The following ATP8B3 variants were observed in gnomAD, a reference collection of about 807,000 sequenced individuals.
ATP8B3 encodes phospholipid-transporting ATPase IK.
In ATP8B3, 141 loss-of-function variants were observed where a neutral mutation model predicts 140.9. The ratio of observed to expected loss-of-function variants is 1.00; its 90% CI spans 0.87 to 1.15. The LOEUF (loss-of-function observed/expected upper bound fraction) is 1.15. ATP8B3 is among the 50% of genes most tolerant of loss of function. ATP8B3 has a pLI of 0.00. For synonymous variants in ATP8B3, 765 were observed against 714.6 expected (o/e 1.07, Z -1.13); for missense variants, 1,874 against 1,740.6 (o/e 1.08, Z -1.36).
chr19:1,793,651 G>T (rs549793070), intron 18 of ATP8B3, among the ~76,000 whole-genome samples: 1 of 152,360 alleles, frequency 6.6e-6, no homozygotes, highest in South Asian at 2.1e-4. Context: ...CCCCAAGGAA[G>T]GTGCCCTTAC....
rs759630168 is a variant in ATP8B3 at position 1,805,859 on chromosome 19, G to C, written c.821+29C>G. On this transcript the variant is annotated intron_variant, in intron 9 of 28. Coordinates refer to ENST00000310127, the MANE Select transcript of ATP8B3 (RefSeq NM_138813.4). The surrounding 1 kb of genome is among the most constrained non-coding windows in gnomAD (Gnocchi z 5.2). ...TCCGGGCCATGCTCCCCACCCCCCA[G>C]GGTCCCCAGCGATGCCACAGCTCCT... is the stretch of plus-strand genomic sequence containing the variant. 2.5e-6 allele frequency: 4 copies of C among 1,611,896 alleles called. No individual in the cohort carries two copies. The Admixed American group carries it at 6.7e-5, about 27-fold the overall frequency.
intron 11 of ATP8B3, 67 bp downstream of exon 11, chr19:1,802,420 T>TCCC: frequency 2.6e-5 from 5 of 195,012 alleles, no homozygotes; most frequent in Non-Finnish European, 2.9e-5. Context: ...CACCCACCCA[T>TCCC]CCCCACATCC....
chr19:1,791,973 T>G (rs1445804392), intron 19 of ATP8B3, 28 bp downstream of exon 19: 1 of 769,114 alleles, frequency 1.3e-6, no homozygotes, highest in Non-Finnish European at 2.0e-6. Flanking sequence ...CCACCCACCC[T>G]GAGGTCCTGC....
chr19:1,811,764 G>A lies in ATP8B3; in HGVS notation c.-28C>T. On this transcript the variant is annotated 5_prime_UTR_variant, in exon 2 of 29. Transcript: ENST00000310127. ...ACCGCATGAGGAAAAGGGAGGTTCA[G>A]GGCGAAGAGGGGTTTAGGCTGTGGG... The A allele has an allele frequency of 6.4e-7, 1 of 1,555,358 alleles. No homozygotes were observed. The highest frequency in any genetic ancestry group is 8.7e-7 in the Non-Finnish European group (1 of 1,155,972).
intron 12 of ATP8B3, among the ~76,000 whole-genome samples, chr19:1,801,143 A>G (rs2068836671): frequency 6.9e-6 from 1 of 145,754 alleles, no homozygotes; most frequent in Non-Finnish European, 1.5e-5. Flanking sequence ...ACATTTATTT[A>G]TTTTTATTTT....
intron 21 of ATP8B3, 127 bp from the exon 22 acceptor site, chr19:1,790,116 C>A: frequency 1.5e-6 from 1 of 658,362 alleles, no homozygotes; most frequent in South Asian, 1.8e-5. Flanking sequence ...CTCCTCCCCA[C>A]TTCCCTCTTC....
intron 10 of ATP8B3, among the ~76,000 whole-genome samples, chr19:1,804,575 T>G (rs7408245): frequency 0.26 from 39,077 of 150,500 alleles, 5,581 homozygotes; most frequent in East Asian, 0.6. Context: ...GCCACTGCAC[T>G]CCAGCCTGGG....
In ATP8B3 at chr19:1,796,800, G is replaced by A; in HGVS notation, c.1664C>T (p.Thr555Ile). ...HNAALLHLVR[T>I]NGDEAVREFW... ...CTCCCGCACGGCCTCGTCCCCGTTG[G>A]TCCGCACGAGGTGCAGCAGGGCCGC... The change falls in exon 16 of 29, where the codon ACC becomes ATC. Residue 555 changes from threonine (T) to isoleucine (I), a missense_variant. Coordinates refer to ENST00000310127, the MANE Select transcript of ATP8B3 (RefSeq NM_138813.4). 1 of 1,612,556 alleles carries A rather than the reference G, an allele frequency of 6.2e-7. No homozygotes were observed. Among genetic ancestry groups the A allele is most frequent in the South Asian group, 1.1e-5 (1 of 91,068 alleles).
In ATP8B3 at chr19:1,785,570, G is replaced by C. The variant is rs749483981; in HGVS notation, c.3292C>G (p.Leu1098Val). ...TTSLVNFFMT[L>V]WISRDTAGPA... ...CCCGCCGTGTCGCGGCTGATCCACA[G>C]TGTCATGAAGAAGTTGACCAGAGAG... Residue 1098 changes from leucine (L) to valine (V), a missense_variant, in exon 26 of 29, where the codon CTG becomes GTG. By Grantham distance (32) the Leu-to-Val change is conservative. Coordinates refer to ENST00000310127, the MANE Select transcript of ATP8B3 (RefSeq NM_138813.4). The C allele has an allele frequency of 6.2e-7, 1 of 1,613,124 alleles. No homozygotes were observed. The highest frequency in any genetic ancestry group is 2.2e-5 in the East Asian group (1 of 44,892).
rs1330210523 is a variant in ATP8B3, at chr19:1,782,398, T to C, written c.*630A>G. On this transcript the variant is annotated 3_prime_UTR_variant, in exon 29 of 29. Coordinates refer to ENST00000310127, the MANE Select transcript of ATP8B3 (RefSeq NM_138813.4). Reference sequence around the variant, plus strand: ...CCAGCAGCCACTCCATGGATGATGATGACTGCTTCTCCGCGGGCCACAGCT... The same window carrying C: ...CCAGCAGCCACTCCATGGATGATGACGACTGCTTCTCCGCGGGCCACAGCT... 1 of 227,240 alleles carries C rather than the reference T, an allele frequency of 4.4e-6. No homozygotes were observed. Among genetic ancestry groups the C allele is most frequent in the South Asian group, 1.2e-4 (1 of 8,050 alleles). 14.1% of individuals were successfully genotyped at this position (227,240 alleles called of 1,614,324 possible). A position where few individuals can be genotyped will look rare whatever the true frequency, so the allele number is the denominator to read the frequency against.
At chr19:1,788,581 C>T (rs1374840307) in intron 24 of ATP8B3, among the ~76,000 whole-genome samples, 2 of 152,150 alleles carry the variant, frequency 1.3e-5, no homozygotes, top group East Asian at 3.9e-4. Context: ...ACCCGGGAGG[C>T]GGAGGCTGCA....
chr19:1,799,972 CTTG>C lies in ATP8B3; in HGVS notation c.1524_1526del (p.Asn508del), dbSNP rs1395138323. On this transcript the variant is annotated inframe_deletion, in exon 14 of 29. Transcript: ENST00000310127. Reference sequence around the variant, plus strand: ...CATAGACGCGGCCGCTGATGCAGCACTTGTTGAAGGTCAAGATGTTCTGCGTGA... The same window carrying C: ...CATAGACGCGGCCGCTGATGCAGCACTTGAAGGTCAAGATGTTCTGCGTGA... The C allele has an allele frequency of 3.7e-6, 6 of 1,604,292 alleles. No homozygotes were observed. In the East Asian group the frequency reaches 1.3e-4, roughly 36 times the overall value.
chr19:1,797,420 G>A (rs942879495), intron 14 of ATP8B3, among the ~76,000 whole-genome samples: 1 of 152,132 alleles, frequency 6.6e-6, no homozygotes. Context: ...AGCCCCATCC[G>A]TGGGACACAC....
chr19:1,795,947 G>T lies in ATP8B3; in HGVS notation c.1983C>A (p.Gly661=). The T allele has an allele frequency of 1.9e-6, 3 of 1,613,234 alleles. No individual in the cohort carries two copies. Among genetic ancestry groups the T allele is most frequent in the Non-Finnish European group, 2.5e-6 (3 of 1,179,842 alleles). ...PEGAICLYTK[G]ADTVIFERLH... ...AGCGTTCGAAGATGACCGTGTCGGC[G>T]CCCTTGGTGTACAGGCAGATGGCGC... is the stretch of plus-strand genomic sequence containing the variant. The change falls in exon 18 of 29, where the codon GGC becomes GGA. Residue 661 remains glycine, a synonymous_variant. Transcript: ENST00000310127.
rs568351933 is a variant in ATP8B3 at position 1,794,090 on chromosome 19, C to T, written c.2055+1785G>A. 6.6e-6 allele frequency among the ~76,000 whole-genome samples: 1 copy of T among 152,278 alleles called. No individual in the cohort carries two copies. Among genetic ancestry groups the T allele is most frequent in the East Asian group, 1.9e-4 (1 of 5,174 alleles). Reference sequence around the variant, plus strand: ...TCGCCCAGGCTGGAGTGCAGTGGTGCGATCACAGCTTGCTGTAGCCTCCAC... The same window carrying T: ...TCGCCCAGGCTGGAGTGCAGTGGTGTGATCACAGCTTGCTGTAGCCTCCAC... On this transcript the variant is annotated intron_variant, in intron 18 of 28. Coordinates refer to ENST00000310127, the MANE Select transcript of ATP8B3 (RefSeq NM_138813.4). The surrounding 1 kb of genome is among the most constrained non-coding windows in gnomAD (Gnocchi z 4.8).
chr19:1,809,676 C>CT lies in ATP8B3; in HGVS notation c.368dup (p.Val124GlyfsTer88). ...TCTTCCTTTGCCAGCACAGGATCAC[C>CT]TTCTCCTTGAACTGCCCGTTGTAGG... On this transcript the variant is annotated frameshift_variant, in exon 4 of 29. Coordinates refer to ENST00000310127, the MANE Select transcript of ATP8B3 (RefSeq NM_138813.4). LOFTEE classifies it high-confidence loss of function. 1 of 1,611,258 alleles carries CT rather than the reference C, an allele frequency of 6.2e-7. No individual in the cohort carries two copies. The highest frequency in any genetic ancestry group is 1.7e-5 in the Admixed American group (1 of 59,754).
intron 24 of ATP8B3, 86 bp downstream of exon 24, chr19:1,788,811 C>G: frequency 1.6e-6 from 2 of 1,279,378 alleles, no homozygotes; most frequent in Non-Finnish European, 2.2e-6. Context: ...GTTCTCAGTG[C>G]GTCCAGGGCT....
chr19:1,801,159 A>G (rs2068837206), intron 12 of ATP8B3, among the ~76,000 whole-genome samples: 1 of 146,568 alleles, frequency 6.8e-6, no homozygotes, highest in South Asian at 2.2e-4. Context: ...ATTTTTATTT[A>G]TTTATTTATT....
At chr19:1,809,513 G>C (rs187634277) in intron 4 of ATP8B3, 130 bp downstream of exon 4, 2 of 792,622 alleles carry the variant, frequency 2.5e-6, no homozygotes, top group Middle Eastern at 2.4e-4. Context: ...AAAAGAAAAC[G>C]AAAACCAAAA....
Sources: gnomAD v4.1 joint callset for allele counts (sites outside exome capture counted in the v4.1 genomes callset) on GRCh38, gnomAD v4.1.1 for gene constraint, Gnocchi (gnomAD v3.1) non-coding constraint, MANE v1.5 for transcripts, NCBI Gene and HGNC (gene_info 2026-07-23, HGNC 2026-07-21) for gene names.